Variants in PCDHGA10 observed in about 807,000 individuals in gnomAD.
PCDHGA10 encodes the protein protocadherin gamma subfamily A, 10.
Under a neutral mutation model 59.5 loss-of-function variants are expected in PCDHGA10, and 42 were observed. The ratio of observed to expected loss-of-function variants is 0.71; its 90% confidence interval spans 0.55 to 0.91. PCDHGA10 has a LOEUF of 0.91. Among genes scored for constraint, PCDHGA10 ranks in the 40% least tolerant of loss-of-function variants. The probability of loss-of-function intolerance (pLI) is 0.00; values close to 1 mark genes in which losing one functional copy is unlikely to be tolerated. For missense variants in PCDHGA10, 1,111 were observed against 1,198.2 expected (o/e 0.93, Z 1.07); for synonymous variants, 511 against 517.2 (o/e 0.99, Z 0.16).
At chr5:141,438,591 CATATATATATATATATATATAT>C (rs946798767) in intron 1 of PCDHGA10, among the ~76,000 whole-genome samples, 1 of 75,562 alleles carries the variant, frequency 1.3e-5, no homozygotes, top group Middle Eastern at 7.4e-3. Context: ...TACATACATA[CATATATATATATATATATATAT>C]ATATATATAT....
At chr5:141,478,444 T>C (rs1190996745) in intron 1 of PCDHGA10, 1 of 1,613,478 alleles carries the variant, frequency 6.2e-7, no homozygotes, top group Non-Finnish European at 8.5e-7. Flanking sequence ...TGAAGAAACC[T>C]GGTGCAGCCA....
rs369748404 is a variant in PCDHGA10 at position 141,476,671 on chromosome 5, G to A, written c.2437-18136G>A. The A allele has an allele frequency of 6.2e-7, 1 of 1,614,128 alleles. No homozygotes were observed. Among genetic ancestry groups the A allele is most frequent in the Non-Finnish European group, 8.5e-7 (1 of 1,180,056 alleles). On this transcript the variant is annotated intron_variant, in intron 1 of 3. Coordinates refer to ENST00000398610, the MANE Select transcript of PCDHGA10 (RefSeq NM_018913.3). This position sits in a 1 kb window ranked among gnomAD's most constrained non-coding sequence, Gnocchi z 7.6. ...ATGAATACTTTGCGCTTCGCGTGCA[G>A]ACGCGGGAGGACAGCACCAAGTACG...
At chr5:141,478,234 G>C (rs762337749) in intron 1 of PCDHGA10, 21 of 1,614,082 alleles carry the variant, frequency 1.3e-5, no homozygotes, top group Non-Finnish European at 1.8e-5. Flanking sequence ...TGGGGTTTGT[G>C]GTCACAGTGT....
In PCDHGA10 at chr5:141,503,243, C is replaced by T. The variant is rs146741382; in HGVS notation, c.2496-2150C>T. Among the ~76,000 whole-genome samples the T allele has an allele frequency of 3.1e-4, 47 of 152,198 alleles. No individual in the cohort carries two copies. The East Asian group carries it at 8.9e-3, about 29-fold the overall frequency. ...CACCGTAAAGATGGACAGTTTCTAT[C>T]ATACTCACAGCCACAACCCCAGCAC... On this transcript the variant is annotated intron_variant, in intron 2 of 3. Coordinates refer to ENST00000398610, the MANE Select transcript of PCDHGA10 (RefSeq NM_018913.3).
At chr5:141,484,916 CCTG>C (rs34524370) in intron 1 of PCDHGA10, 64,782 of 456,708 alleles carry the variant, frequency 0.14, 4,878 homozygotes, top group African/African-American at 0.18. Context: ...ACGCATTAAC[CCTG>C]CTGCTGTTGG....
chr5:141,418,419 A>G (rs1181055959), intron 1 of PCDHGA10: 1 of 1,613,900 alleles, frequency 6.2e-7, no homozygotes, highest in Non-Finnish European at 8.5e-7. Flanking sequence ...GACAATCCTG[A>G]TGGTGGCAAA....
chr5:141,500,258 G>A lies in PCDHGA10; in HGVS notation c.2496-5135G>A, dbSNP rs2099798463. On this transcript the variant is annotated intron_variant, in intron 2 of 3. Coordinates refer to ENST00000398610, the MANE Select transcript of PCDHGA10 (RefSeq NM_018913.3). ...TAGCCTTGCTCTGTCACCCAGGCTG[G>A]ACTGCAGTGGCGCAATCTCGGCTCA... Among the ~76,000 whole-genome samples the A allele has an allele frequency of 2.0e-5, 3 of 150,738 alleles. No homozygotes were observed. In the South Asian group the frequency reaches 6.3e-4, roughly 32 times the overall value.
intron 1 of PCDHGA10, among the ~76,000 whole-genome samples, chr5:141,462,829 G>T (rs770335372): frequency 4.6e-5 from 7 of 152,130 alleles, no homozygotes; most frequent in Non-Finnish European, 8.8e-5. Flanking sequence ...AGCAGACATT[G>T]TAAATGTTAT....
rs201279747 is a variant in PCDHGA10, at chr5:141,414,931, G to A, written c.1756G>A (p.Ala586Thr). Residue 586 changes from alanine to threonine, a missense_variant, in exon 1 of 4, where the codon GCA becomes ACA. Physicochemically the swap from Ala to Thr is moderately conservative, Grantham distance 58. Coordinates refer to ENST00000398610, the MANE Select transcript of PCDHGA10 (RefSeq NM_018913.3). ...STGVELAPRS[A>T]EPGYLVTKVV... is the part of the protein sequence containing the mutation. ...AGGCGTGGAGCTGGCGCCCCGCTCC[G>A]CAGAGCCCGGCTACCTGGTGACCAA... 123 of 1,614,120 alleles carry A rather than the reference G, an allele frequency of 7.6e-5. No homozygotes were observed. In the East Asian group the frequency reaches 2.5e-3, roughly 33 times the overall value.
intron 1 of PCDHGA10, chr5:141,433,292 C>A: frequency 9.2e-7 from 1 of 1,082,526 alleles, no homozygotes; most frequent in South Asian, 1.6e-5. Context: ...CTCCTAGGCT[C>A]AAGCAATTAT....
chr5:141,431,725 G>A lies in PCDHGA10; in HGVS notation c.2436+16114G>A. The A allele has an allele frequency of 6.2e-7, 1 of 1,614,230 alleles. No individual in the cohort carries two copies. Among genetic ancestry groups the A allele is most frequent in the Non-Finnish European group, 8.5e-7 (1 of 1,180,044 alleles). On this transcript the variant is annotated intron_variant, in intron 1 of 3. Coordinates refer to ENST00000398610, the MANE Select transcript of PCDHGA10 (RefSeq NM_018913.3). The surrounding 1 kb of genome is among the most constrained non-coding windows in gnomAD (Gnocchi z 4.8). Reference sequence around the variant, plus strand: ...TCTACCAGATGGAAGTGCAAGCAATGGATAATGCAGGATATTCTGCGCGAG... The same window carrying A: ...TCTACCAGATGGAAGTGCAAGCAATAGATAATGCAGGATATTCTGCGCGAG...
rs530356030 is a variant in PCDHGA10 at position 141,426,463 on chromosome 5, GATTT to G, written c.2436+10856_2436+10859del. 309 of 318,428 alleles carry G rather than the reference GATTT, an allele frequency of 9.7e-4. 2 individuals are homozygous for G. Among genetic ancestry groups the G allele is most frequent in the Non-Finnish European group, 1.6e-3 (252 of 160,518 alleles). 19.7% of individuals were successfully genotyped at this position (318,428 alleles called of 1,614,324 possible). A position where few individuals can be genotyped will look rare whatever the true frequency, so the allele number is the denominator to read the frequency against. ...GGAGGACATGCGGCTGCATGTTCAGGATTTATTGACCTGAAACCTTAGAGTTAGT... is the reference window on the plus strand; with the variant it reads ...GGAGGACATGCGGCTGCATGTTCAGGATTGACCTGAAACCTTAGAGTTAGT... On this transcript the variant is annotated intron_variant, in intron 1 of 3. Transcript: ENST00000398610.
intron 1 of PCDHGA10, among the ~76,000 whole-genome samples, chr5:141,483,218 A>G (rs2099578440): frequency 6.6e-6 from 1 of 152,188 alleles, no homozygotes; most frequent in Admixed American, 6.5e-5. Flanking sequence ...GATGACAGTC[A>G]CTGCAGAAAT....
Position 141,415,739 on chromosome 5 carries a change from GGTTTT to G in PCDHGA10, c.2436+129_2436+133del, listed in dbSNP as rs2095909931. ...ATGAGTAGAATTTGATGTTTATTAA[GGTTTT>G]TTTTTTTTTTTTTTTTTTTTTTTTT... On this transcript the variant is annotated intron_variant, in intron 1 of 3. Transcript: ENST00000398610. 124 of 435,052 alleles carry G rather than the reference GGTTTT, an allele frequency of 2.9e-4. No homozygotes were observed. The African/African-American group carries it at 3.6e-3, about 13-fold the overall frequency. 26.9% of individuals were successfully genotyped at this position (435,052 alleles called of 1,614,324 possible).
intron 1 of PCDHGA10, among the ~76,000 whole-genome samples, chr5:141,473,915 A>G (rs1366378437): frequency 3.3e-5 from 5 of 152,162 alleles, no homozygotes; most frequent in Non-Finnish European, 5.9e-5. Flanking sequence ...GTCTTAAGAA[A>G]ACTATGAGCT....
chr5:141,415,657 G>A, intron 1 of PCDHGA10, 46 bp downstream of exon 1: 1 of 1,576,236 alleles, frequency 6.3e-7, no homozygotes, highest in Non-Finnish European at 8.6e-7. Flanking sequence ...AAAAAAGATT[G>A]GTTTTTACTT....
At chr5:141,473,066 A>G (rs1002054198) in intron 1 of PCDHGA10, among the ~76,000 whole-genome samples, 3 of 152,128 alleles carry the variant, frequency 2.0e-5, no homozygotes, top group African/African-American at 7.2e-5. Context: ...AACAAGTTAC[A>G]GCATCTTTGT....
At chr5:141,422,501 CCA>C in intron 1 of PCDHGA10, 1 of 1,613,928 alleles carries the variant, frequency 6.2e-7, no homozygotes, top group African/African-American at 1.3e-5. Flanking sequence ...ACGTTGACAG[CCA>C]CAGACCAGGG....
At chr5:141,427,092 G>T in intron 1 of PCDHGA10, 1 of 458,134 alleles carries the variant, frequency 2.2e-6, no homozygotes, top group Non-Finnish European at 4.4e-6. Flanking sequence ...CCAGGATGAG[G>T]GTGTCAATGC....
Sources: gnomAD v4.1 joint callset for allele counts (sites outside exome capture counted in the v4.1 genomes callset) on GRCh38, gnomAD v4.1.1 for gene constraint, Gnocchi (gnomAD v3.1) non-coding constraint, MANE v1.5 for transcripts, NCBI Gene and HGNC (gene_info 2026-07-23, HGNC 2026-07-21) for gene names.